Variants in SGCZ observed in about 807,000 individuals in gnomAD.
The protein encoded by SGCZ is sarcoglycan zeta.
In SGCZ, 40 loss-of-function variants were observed where a neutral mutation model predicts 41.3. That is an observed-to-expected ratio of 0.97 (90% confidence interval 0.75 to 1.26). The LOEUF (loss-of-function observed/expected upper bound fraction) is 1.26, where lower values mean the gene tolerates loss of function less well. SGCZ is among the 50% of genes most tolerant of loss of function. The pLI is 0.00. For missense variants in SGCZ, 552 were observed against 369.8 expected, an observed-to-expected ratio of 1.49 and a Z score of -4.04; for synonymous variants, 206 against 137.5, an observed-to-expected ratio of 1.50 and a Z score of -3.49.
intron 2 of SGCZ, among the ~76,000 whole-genome samples, chr8:14,463,653 A>G (rs1332948262): frequency 6.6e-6 from 1 of 151,698 alleles, no homozygotes; most frequent in Non-Finnish European, 1.5e-5. Context: ...TATTTTGTGA[A>G]AATATTTTCA....
chr8:14,274,534 C>G (rs1409050681), intron 3 of SGCZ, among the ~76,000 whole-genome samples: 2 of 152,104 alleles, frequency 1.3e-5, no homozygotes, highest in Non-Finnish European at 2.9e-5. Context: ...CTATATTTTT[C>G]TAGTGCTATA....
At chr8:14,356,492 CTA>C (rs1238359716) in intron 2 of SGCZ, among the ~76,000 whole-genome samples, 16 of 151,996 alleles carry the variant, frequency 1.1e-4, no homozygotes, top group African/African-American at 3.9e-4. Flanking sequence ...AATAATAAAT[CTA>C]GAGGACTAAA....
intron 3 of SGCZ, among the ~76,000 whole-genome samples, chr8:14,272,648 T>G (rs184723471): frequency 1.9e-4 from 29 of 152,284 alleles, no homozygotes; most frequent in Admixed American, 9.2e-4. Flanking sequence ...TGTCCTGGTG[T>G]GTAGAATAAA....
intron 1 of SGCZ, among the ~76,000 whole-genome samples, chr8:15,066,411 TATA>T (rs1805151423): frequency 6.6e-6 from 1 of 152,156 alleles, no homozygotes; most frequent in African/African-American, 2.4e-5. Context: ...TGTGGTATAT[TATA>T]ATAACTGTTC....
intron 3 of SGCZ, among the ~76,000 whole-genome samples, chr8:14,252,303 T>C (rs1420743531): frequency 6.6e-6 from 1 of 152,154 alleles, no homozygotes. Flanking sequence ...ATTTTTGTCA[T>C]GTATTTTTTT....
chr8:14,764,767 T>C (rs1799991040), intron 1 of SGCZ, among the ~76,000 whole-genome samples: 1 of 152,124 alleles, frequency 6.6e-6, no homozygotes, highest in Non-Finnish European at 1.5e-5. Flanking sequence ...TTAAATATGG[T>C]CTAAAAATTA....
At chr8:14,787,314 T>G (rs899575255) in intron 1 of SGCZ, among the ~76,000 whole-genome samples, 4 of 151,996 alleles carry the variant, frequency 2.6e-5, no homozygotes, top group Non-Finnish European at 5.9e-5. Context: ...CCTCCCAAAC[T>G]TATATATGGG....
intron 2 of SGCZ, among the ~76,000 whole-genome samples, chr8:14,435,647 T>A (rs917945974): frequency 2.6e-5 from 4 of 152,216 alleles, no homozygotes; most frequent in African/African-American, 9.6e-5. Flanking sequence ...AAAGTATTCT[T>A]TATGATACTA....
chr8:14,610,504 A>G (rs191733103), intron 1 of SGCZ, among the ~76,000 whole-genome samples: 1 of 152,274 alleles, frequency 6.6e-6, no homozygotes, highest in Admixed American at 6.5e-5. Context: ...TTGGGTCTCA[A>G]GAACCCTCTT....
At chr8:14,532,552 C>T (rs1012035491) in intron 2 of SGCZ, among the ~76,000 whole-genome samples, 9 of 151,728 alleles carry the variant, frequency 5.9e-5, no homozygotes, top group Admixed American at 2.6e-4. Context: ...TGTTCTTATG[C>T]TTTGTGGGAG....
intron 4 of SGCZ, among the ~76,000 whole-genome samples, chr8:14,167,902 C>A (rs1216890944): frequency 1.3e-5 from 2 of 152,042 alleles, no homozygotes; most frequent in Non-Finnish European, 2.9e-5. Context: ...GTACATCGGT[C>A]AAATACATGA....
In SGCZ at chr8:15,181,503, A is replaced by T. The variant is rs140073467; in HGVS notation, c.39+56082T>A. On this transcript the variant is annotated intron_variant, in intron 1 of 7. Coordinates refer to ENST00000382080, the MANE Select transcript of SGCZ (RefSeq NM_139167.4). ...TGTTTCAGCTCATACAAACAGTGTGAGATACAAATTTGTTCTGTGTGATGA... is the reference window on the plus strand; with the variant it reads ...TGTTTCAGCTCATACAAACAGTGTGTGATACAAATTTGTTCTGTGTGATGA... 5.3e-3 allele frequency among the ~76,000 whole-genome samples: 814 copies of T among 152,316 alleles called. 9 individuals are homozygous for T. Among genetic ancestry groups the T allele is most frequent in the African/African-American group, 0.019 (784 of 41,578 alleles).
intron 1 of SGCZ, among the ~76,000 whole-genome samples, chr8:15,039,483 T>A (rs566202469): frequency 6.6e-6 from 1 of 151,898 alleles, no homozygotes; most frequent in East Asian, 1.9e-4. Flanking sequence ...GTGGGTGGGG[T>A]TGGGAAAATC....
At chr8:14,947,212 A>G (rs533266767) in intron 1 of SGCZ, among the ~76,000 whole-genome samples, 12 of 152,328 alleles carry the variant, frequency 7.9e-5, no homozygotes, top group African/African-American at 2.9e-4. Context: ...AGGAATGAGC[A>G]CAGAGACAAA....
intron 2 of SGCZ, among the ~76,000 whole-genome samples, chr8:14,504,036 T>G (rs1242910255): frequency 6.6e-6 from 1 of 152,160 alleles, no homozygotes; most frequent in Non-Finnish European, 1.5e-5. Context: ...GCCCTTTATT[T>G]CTCTAAAGTT....
intron 1 of SGCZ, among the ~76,000 whole-genome samples, chr8:14,915,135 G>T (rs1314078419): frequency 6.6e-6 from 1 of 151,894 alleles, no homozygotes; most frequent in Non-Finnish European, 1.5e-5. Context: ...CAAAAACTCT[G>T]GATATCTTCC....
chr8:14,339,931 T>TA (rs201244374), intron 2 of SGCZ, among the ~76,000 whole-genome samples: 1,987 of 151,854 alleles, frequency 0.013, 39 homozygotes, highest in African/African-American at 0.04. Context: ...AACGAAAATA[T>TA]AAAAAATGAA....
chr8:14,648,582 G>A (rs1807299288), intron 1 of SGCZ, among the ~76,000 whole-genome samples: 2 of 152,030 alleles, frequency 1.3e-5, no homozygotes, highest in African/African-American at 4.8e-5. Flanking sequence ...ACTGGGAAAT[G>A]TTTGTCAAAG....
intron 1 of SGCZ, among the ~76,000 whole-genome samples, chr8:15,102,064 G>A (rs1806637151): frequency 6.6e-6 from 1 of 152,050 alleles, no homozygotes; most frequent in South Asian, 2.1e-4. Context: ...CTATATATAT[G>A]CCAAAATTAA....
Sources: allele counts gnomAD v4.1 joint callset (sites outside exome capture counted in the v4.1 genomes callset), GRCh38; gene constraint gnomAD v4.1.1; transcripts MANE v1.5; gene names NCBI Gene and HGNC (gene_info 2026-07-23, HGNC 2026-07-21).